Variants in DNM1 observed in about 807,000 individuals in gnomAD.
DNM1 encodes dynamin 1, also known as dynamin-1.
Under a neutral mutation model 104.6 loss-of-function variants are expected in DNM1, and 29 were observed. The ratio of observed to expected loss-of-function variants is 0.28; its 90% CI spans 0.21 to 0.38. DNM1 has a LOEUF of 0.38. Among genes scored for constraint, DNM1 ranks in the 10% least tolerant of loss-of-function variants. The pLI is 1.00. For missense variants in DNM1, 640 were observed against 1,189.4 expected, an observed-to-expected ratio of 0.54 and a Z score of 6.79; for synonymous variants, 445 against 475.8, an observed-to-expected ratio of 0.94 and a Z score of 0.84.
chr9:128,213,828 C>T (rs111653723), intron 1 of DNM1, among the ~76,000 whole-genome samples: 10 of 152,262 alleles, frequency 6.6e-5, no homozygotes, highest in South Asian at 2.1e-4. Flanking sequence ...TCCCTGCTCC[C>T]GGGGCCATCA....
Position 128,222,894 on chromosome 9 carries a change from C to T in DNM1, c.1196+34C>T. ...TGGGGCCTGGGAGGGTGGCTGAACCCCAGAAGTAGGGGGTCTGGGACAGAG... is the reference window on the plus strand; with the variant it reads ...TGGGGCCTGGGAGGGTGGCTGAACCTCAGAAGTAGGGGGTCTGGGACAGAG... On this transcript the variant is annotated intron_variant, in intron 9 of 21. Coordinates refer to ENST00000372923, the MANE Select transcript of DNM1 (RefSeq NM_004408.4). This position sits in a 1 kb window ranked among gnomAD's most constrained non-coding sequence, Gnocchi z 7.8. 1 of 1,605,462 alleles carries T rather than the reference C, an allele frequency of 6.2e-7. No individual in the cohort carries two copies. The highest frequency in any genetic ancestry group is 8.5e-7 in the Non-Finnish European group (1 of 1,172,760).
intron 10 of DNM1, among the ~76,000 whole-genome samples, chr9:128,226,842 G>A (rs139514041): frequency 4.2e-4 from 64 of 152,156 alleles, no homozygotes; most frequent in African/African-American, 1.4e-3. Context: ...CTTCCCAGGG[G>A]AGTGCGAGAG....
At chr9:128,221,055 TTCTC>T (rs1265627487) in intron 6 of DNM1, 1 of 132,624 alleles carries the variant, frequency 7.5e-6, no homozygotes, top group South Asian at 2.5e-4. Context: ...CTTTCTCTCT[TTCTC>T]TCTTTCTTTC....
chr9:128,227,186 G>A (rs1173468455), intron 10 of DNM1, among the ~76,000 whole-genome samples: 1 of 151,244 alleles, frequency 6.6e-6, no homozygotes, highest in East Asian at 1.9e-4. Flanking sequence ...GCTAATTTTT[G>A]TATTTTTAGT....
intron 15 of DNM1, among the ~76,000 whole-genome samples, chr9:128,242,725 A>G (rs1442928472): frequency 6.6e-6 from 1 of 151,866 alleles, no homozygotes; most frequent in East Asian, 1.9e-4. Flanking sequence ...GCACCATTGC[A>G]CTCCAGCCTG....
In DNM1 at chr9:128,239,569, T is replaced by C. The variant is rs1280595232; in HGVS notation, c.1493+54T>C. 11 of 107,448 alleles carry C rather than the reference T, an allele frequency of 1.0e-4. No homozygotes were observed. In the South Asian group the frequency reaches 1.1e-3, roughly 11 times the overall value. 6.7% of individuals were successfully genotyped at this position (107,448 alleles called of 1,614,324 possible). A position where few individuals can be genotyped will look rare whatever the true frequency, so the allele number is the denominator to read the frequency against. On this transcript the variant is annotated intron_variant, in intron 12 of 21. Transcript: ENST00000372923. ...TGCTCCCTGGGCAGAGAAGGTAACGTGTGTGTGTGTGTGTGTGTGTGTGTG... is the reference window on the plus strand; with the variant it reads ...TGCTCCCTGGGCAGAGAAGGTAACGCGTGTGTGTGTGTGTGTGTGTGTGTG...
In DNM1 at chr9:128,218,667, G is replaced by T; in HGVS notation, c.321G>T (p.Arg107Ser). 2.5e-6 allele frequency: 4 copies of T among 1,613,314 alleles called. No individual in the cohort carries two copies. In the South Asian group the frequency reaches 4.4e-5, roughly 18 times the overall value. The change falls in exon 3 of 22, where the codon AGG (arginine) becomes AGT (serine). Residue 107 changes from arginine to serine, a missense_variant. Coordinates refer to ENST00000372923, the MANE Select transcript of DNM1 (RefSeq NM_004408.4). This position sits in a 1 kb window ranked among gnomAD's most constrained non-coding sequence, Gnocchi z 4.8. ...VRLEIEAETD[R>S]VTGTNKGISP... ...TTGAGATCGAGGCCGAGACCGACAG[G>T]GTCACCGGCACCAACAAGGGCATCT...
At chr9:128,251,030 C>T in intron 21 of DNM1, 90 bp downstream of exon 21, 1 of 868,364 alleles carries the variant, frequency 1.2e-6, no homozygotes, top group South Asian at 1.5e-5. Context: ...TCGGACCTGG[C>T]CGCCAGAACC....
At chr9:128,206,991 G>A (rs1564318808) in intron 1 of DNM1, among the ~76,000 whole-genome samples, 1 of 152,094 alleles carries the variant, frequency 6.6e-6, no homozygotes, top group Non-Finnish European at 1.5e-5. Flanking sequence ...GCAACCAGAA[G>A]GAGAATGGTG....
rs1829647743 is a variant in DNM1, at chr9:128,253,334, A to C, written c.2535-1320A>C. 2 of 604,410 alleles carry C rather than the reference A, an allele frequency of 3.3e-6. No individual in the cohort carries two copies. Among genetic ancestry groups the C allele is most frequent in the Non-Finnish European group, 5.9e-6 (2 of 339,420 alleles). The allele number at this position is 604,410 out of a possible 1,614,324, so 37.4% of individuals were successfully genotyped here. On this transcript the variant is annotated intron_variant, in intron 21 of 21. Coordinates refer to ENST00000372923, the MANE Select transcript of DNM1 (RefSeq NM_004408.4). This position sits in a 1 kb window ranked among gnomAD's most constrained non-coding sequence, Gnocchi z 5.9. ...CCCTTCCCTGCGAGCCTCGGGACTC[A>C]GTGCCACTGCCCAAGGCCTCCATGG...
chr9:128,234,235 A>C (rs1835873003), intron 11 of DNM1, 128 bp downstream of exon 11: 1 of 723,882 alleles, frequency 1.4e-6, no homozygotes, highest in South Asian at 1.9e-5. Context: ...CCTCTGTCTC[A>C]TACTGACTCT....
chr9:128,247,891 G>T lies in DNM1; in HGVS notation c.1894-33G>T. The stretch of plus-strand genomic sequence containing the variant: ...TTCGGCTGTGCTCCCTGGTGGTGGC[G>T]GCGGTGGCAATGTTGGTGTGTGGGC... On this transcript the variant is annotated intron_variant, in intron 17 of 21. Coordinates refer to ENST00000372923, the MANE Select transcript of DNM1 (RefSeq NM_004408.4). The surrounding 1 kb of genome is among the most constrained non-coding windows in gnomAD (Gnocchi z 5.1). 1.9e-6 allele frequency: 3 copies of T among 1,611,640 alleles called. No individual in the cohort carries two copies. The highest frequency in any genetic ancestry group is 2.5e-6 in the Non-Finnish European group (3 of 1,178,470).
At chr9:128,209,513 C>A (rs1056990112) in intron 1 of DNM1, among the ~76,000 whole-genome samples, 2 of 152,204 alleles carry the variant, frequency 1.3e-5, no homozygotes, top group Admixed American at 1.3e-4. Flanking sequence ...ATAAATCAAG[C>A]TGAGGAATTG....
intron 19 of DNM1, among the ~76,000 whole-genome samples, chr9:128,249,172 G>A (rs548558715): frequency 6.3e-5 from 9 of 142,610 alleles, no homozygotes; most frequent in African/African-American, 2.4e-4. Context: ...CAGCCTGGCC[G>A]ACAGAGCGAG....
chr9:128,235,839 C>T (rs148481333), intron 11 of DNM1, among the ~76,000 whole-genome samples: 86 of 152,232 alleles, frequency 5.6e-4, no homozygotes, highest in African/African-American at 2.0e-3. Context: ...TTTAGCCTCC[C>T]GAGTAGCTGG....
intron 10 of DNM1, chr9:128,225,934 C>T (rs952102092): frequency 9.4e-7 from 1 of 1,058,346 alleles, no homozygotes; most frequent in Non-Finnish European, 1.4e-6. Flanking sequence ...CCGTGCCATC[C>T]TCTCCACCCC....
chr9:128,250,959 C>A lies in DNM1; in HGVS notation c.2534+19C>A, dbSNP rs1409458818. On this transcript the variant is annotated intron_variant, in intron 21 of 21. Transcript: ENST00000372923. ...TCCCCAGGTGAGTAGGGGCTGAATG[C>A]GGCTGGAGAGGCTGCCGGACGGGCG... 3.0e-6 allele frequency: 4 copies of A among 1,353,676 alleles called. No homozygotes were observed. Among genetic ancestry groups the A allele is most frequent in the Non-Finnish European group, 3.9e-6 (4 of 1,013,546 alleles). The allele number at this position is 1,353,676 out of a possible 1,614,324, so 83.9% of individuals were successfully genotyped here.
chr9:128,227,664 G>A (rs866442775), intron 10 of DNM1, among the ~76,000 whole-genome samples: 66 of 152,226 alleles, frequency 4.3e-4, no homozygotes, highest in Middle Eastern at 3.4e-3. Flanking sequence ...TTACAGGTGT[G>A]AGCCACCACG....
chr9:128,239,276 G>A (rs1211242234), intron 11 of DNM1, among the ~76,000 whole-genome samples, 169 bp from the exon 12 acceptor site: 1 of 152,218 alleles, frequency 6.6e-6, no homozygotes, highest in Non-Finnish European at 1.5e-5. Flanking sequence ...GGGATCACAG[G>A]TGTGAGCCAC....
Sources: allele counts gnomAD v4.1 joint callset (sites outside exome capture counted in the v4.1 genomes callset), GRCh38; gene constraint gnomAD v4.1.1; non-coding constraint Gnocchi (gnomAD v3.1); transcripts MANE v1.5; gene names NCBI Gene and HGNC (gene_info 2026-07-23, HGNC 2026-07-21).